Variants in CNTLN observed in about 807,000 individuals in gnomAD.
CNTLN encodes the protein centlein, centrosomal protein.
Under a neutral mutation model 180.0 loss-of-function variants are expected in CNTLN, and 212 were observed. That is an observed-to-expected ratio of 1.18 (90% confidence interval 1.05 to 1.32). The LOEUF (loss-of-function observed/expected upper bound fraction) is 1.32, where lower values mean the gene tolerates loss of function less well. CNTLN is among the 40% of genes most tolerant of loss of function. The probability of loss-of-function intolerance (pLI) is 0.00; values close to 1 mark genes in which losing one functional copy is unlikely to be tolerated. For missense variants in CNTLN, 2,095 were observed against 1,610.9 expected (o/e 1.30, Z -5.14); for synonymous variants, 722 against 563.1 (o/e 1.28, Z -3.99).
intron 2 of CNTLN, among the ~76,000 whole-genome samples, chr9:17,193,840 C>A (rs1308872362): frequency 2.0e-5 from 3 of 152,210 alleles, no homozygotes; most frequent in Non-Finnish European, 4.4e-5. Context: ...AGCGCCCGCC[C>A]TGCAACAAAC....
In CNTLN at chr9:17,477,683, CA is replaced by C. The variant is rs557326839; in HGVS notation, c.3856-6608del. On this transcript the variant is annotated intron_variant, in intron 23 of 25. Coordinates refer to ENST00000380647, the MANE Select transcript of CNTLN (RefSeq NM_017738.4). ...ATATGTGACTGAATTGCTGCAATCT[CA>C]AAATAAAATCTGAATGGATGAGGAG... is the stretch of plus-strand genomic sequence containing the variant. Among the ~76,000 whole-genome samples, 230 of 152,280 alleles carry C rather than the reference CA, an allele frequency of 1.5e-3. 3 individuals carry two copies. The South Asian group carries it at 0.023, about 15-fold the overall frequency.
At chr9:17,137,701 T>C (rs1309579971) in intron 1 of CNTLN, among the ~76,000 whole-genome samples, 1 of 152,188 alleles carries the variant, frequency 6.6e-6, no homozygotes, top group Non-Finnish European at 1.5e-5. Flanking sequence ...TGGTCATAAG[T>C]AGTAGCTTCA....
At chr9:17,310,889 C>G (rs1021702369) in intron 8 of CNTLN, among the ~76,000 whole-genome samples, 3 of 151,952 alleles carry the variant, frequency 2.0e-5, no homozygotes, top group Non-Finnish European at 4.4e-5. Flanking sequence ...TGGATTTTTT[C>G]TTACTGATTT....
intron 23 of CNTLN, among the ~76,000 whole-genome samples, chr9:17,472,980 C>T (rs1832113571): frequency 6.6e-6 from 1 of 152,130 alleles, no homozygotes; most frequent in South Asian, 2.1e-4. Context: ...TGTGTTGTAT[C>T]ATCGTCACTT....
rs376474385 is a variant in CNTLN at position 17,266,808 on chromosome 9, C to A, written c.850-6925C>A. ...CATTATGTAATGGCCTTCTTTGTCT[C>A]TTTTGATCTTTGTTGGTTTGAAGTC... On this transcript the variant is annotated intron_variant, in intron 5 of 25. Transcript: ENST00000380647. Among the ~76,000 whole-genome samples the A allele has an allele frequency of 1.8e-4, 27 of 152,202 alleles. 2 individuals carry two copies. The East Asian group carries it at 2.9e-3, about 16-fold the overall frequency.
chr9:17,204,975 C>T (rs1395909390), intron 2 of CNTLN, among the ~76,000 whole-genome samples: 1 of 152,178 alleles, frequency 6.6e-6, no homozygotes, highest in African/African-American at 2.4e-5. Context: ...TCCCAGCCTC[C>T]TTAGCACTGT....
At chr9:17,356,219 C>T (rs1822833651) in intron 12 of CNTLN, among the ~76,000 whole-genome samples, 1 of 152,054 alleles carries the variant, frequency 6.6e-6, no homozygotes, top group African/African-American at 2.4e-5. Context: ...TAAAGAAAGA[C>T]AATGAACTTC....
intron 18 of CNTLN, among the ~76,000 whole-genome samples, chr9:17,453,080 G>C (rs1446549939): frequency 6.6e-6 from 1 of 152,178 alleles, no homozygotes; most frequent in Admixed American, 6.5e-5. Flanking sequence ...GGGAGGCCGA[G>C]GCGGGAGGAT....
chr9:17,406,458 G>C (rs1038231196), intron 15 of CNTLN, among the ~76,000 whole-genome samples: 1 of 151,582 alleles, frequency 6.6e-6, no homozygotes, highest in Non-Finnish European at 1.5e-5. Flanking sequence ...CTTCTGCCTG[G>C]AATGTATTTA....
chr9:17,274,453 A>ATATCTATCTATCTGTCTATG (rs1470236004), intron 6 of CNTLN, among the ~76,000 whole-genome samples: 50 of 138,890 alleles, frequency 3.6e-4, no homozygotes, highest in East Asian at 8.7e-4. Flanking sequence ...TCATAGATCA[A>ATATCTATCTATCTGTCTATG]TATCTATCTA....
At chr9:17,373,368 C>G (rs528326908) in intron 13 of CNTLN, among the ~76,000 whole-genome samples, 2 of 152,174 alleles carry the variant, frequency 1.3e-5, no homozygotes, top group Non-Finnish European at 2.9e-5. Flanking sequence ...AAAGCTAATT[C>G]CATTTACAGC....
intron 16 of CNTLN, among the ~76,000 whole-genome samples, chr9:17,412,443 A>G (rs1384233294): frequency 1.3e-5 from 2 of 152,182 alleles, no homozygotes; most frequent in Non-Finnish European, 2.9e-5. Context: ...ACAGTCCCCA[A>G]CTCACTACAA....
intron 10 of CNTLN, among the ~76,000 whole-genome samples, chr9:17,338,341 T>TTG (rs1554692012): frequency 7.2e-6 from 1 of 138,736 alleles, no homozygotes; most frequent in Non-Finnish European, 1.6e-5. Context: ...ATTTTTGTTT[T>TTG]TTTTTTTTTT....
intron 6 of CNTLN, among the ~76,000 whole-genome samples, chr9:17,289,964 G>A (rs201752221): frequency 3.3e-5 from 5 of 150,954 alleles, no homozygotes; most frequent in Admixed American, 2.0e-4. Context: ...ATGTCCTCCC[G>A]TAGCTCAGAG....
In CNTLN at chr9:17,261,552, A is replaced by T. The variant is rs189906619; in HGVS notation, c.850-12181A>T. On this transcript the variant is annotated intron_variant, in intron 5 of 25. Transcript: ENST00000380647. ...TCCTGAAACTTTACTGAAATTATGT[A>T]TTCCCTAGGAGACTTTTGGTGGAAT... Among the ~76,000 whole-genome samples, 182 of 151,582 alleles carry T rather than the reference A, an allele frequency of 1.2e-3. 6 individuals are homozygous for T. Among genetic ancestry groups the T allele is most frequent in the African/African-American group, 4.2e-3 (174 of 40,986 alleles).
chr9:17,494,066 A>G (rs1025281765), intron 25 of CNTLN, among the ~76,000 whole-genome samples: 1 of 152,252 alleles, frequency 6.6e-6, no homozygotes, highest in African/African-American at 2.4e-5. Flanking sequence ...GCCAAAATGC[A>G]TTGTCCCTTG....
At chr9:17,263,009 A>T (rs1446827346) in intron 5 of CNTLN, among the ~76,000 whole-genome samples, 1 of 151,294 alleles carries the variant, frequency 6.6e-6, no homozygotes, top group Non-Finnish European at 1.5e-5. Context: ...TGAGTTTTAA[A>T]ATCTAATTTA....
chr9:17,152,515 G>C (rs1178925156), intron 2 of CNTLN, among the ~76,000 whole-genome samples: 1 of 152,162 alleles, frequency 6.6e-6, no homozygotes, highest in Non-Finnish European at 1.5e-5. Flanking sequence ...TTGCACTGTG[G>C]TCTGAGAGAC....
At chr9:17,421,595 G>T (rs1205906771) in intron 18 of CNTLN, among the ~76,000 whole-genome samples, 3 of 151,902 alleles carry the variant, frequency 2.0e-5, no homozygotes, top group African/African-American at 7.2e-5. Context: ...ATGAGTACTT[G>T]CTACTGCCAT....
Sources: allele counts gnomAD v4.1 joint callset (sites outside exome capture counted in the v4.1 genomes callset), GRCh38; gene constraint gnomAD v4.1.1; transcripts MANE v1.5; gene names NCBI Gene and HGNC (gene_info 2026-07-23, HGNC 2026-07-21).